CLCN7: variants seen among roughly 807,000 people sequenced by gnomAD.
CLCN7 encodes H(+)/Cl(-) exchange transporter 7.
A neutral mutation model predicts 102.1 loss-of-function variants in CLCN7; 60 were observed. That is an observed-to-expected ratio of 0.59 (90% CI 0.48 to 0.73). The LOEUF is 0.73. Among genes scored for constraint, CLCN7 ranks in the 30% least tolerant of loss-of-function variants. CLCN7 has a pLI of 0.00. For synonymous variants in CLCN7, 560 were observed against 490.5 expected (o/e 1.14, Z -1.87); for missense variants, 962 against 1,125.7 (o/e 0.85, Z 2.08).
intron 13 of CLCN7, 127 bp from the exon 14 acceptor site, chr16:1,454,021 G>T (rs939500467): frequency 8.3e-6 from 7 of 839,278 alleles, no homozygotes; most frequent in Non-Finnish European, 1.2e-5. Flanking sequence ...GGGCTAGGGG[G>T]TCCTGGTAAG....
rs569096645 is a variant in CLCN7, at chr16:1,445,567, C to T, written c.*1064G>A. On this transcript the variant is annotated 3_prime_UTR_variant, in exon 25 of 25. Transcript: ENST00000382745. Reference sequence around the variant, plus strand: ...GCCCCGTGAGGGGCCTGTGGCGGCCCCAGACCCAGCCCAGCCAGGCCAGAG... The same window carrying T: ...GCCCCGTGAGGGGCCTGTGGCGGCCTCAGACCCAGCCCAGCCAGGCCAGAG... 2.6e-4 allele frequency: 39 copies of T among 152,610 alleles called. No homozygotes were observed. Among genetic ancestry groups the T allele is most frequent in the African/African-American group, 9.1e-4 (38 of 41,592 alleles). 9.5% of individuals were successfully genotyped at this position (152,610 alleles called of 1,614,324 possible). A position where few individuals can be genotyped will look rare whatever the true frequency, so the allele number is the denominator to read the frequency against.
At position 1,449,017 on chromosome 16, in the gene CLCN7, G is replaced by A. The variant is rs768693668; in HGVS notation, c.1746C>T (p.Pro582=). ...TGGCGGTCATGAGCACCAGCATGATGGGGAAGCCGTAGGTCACGTTGCTGG... is the reference window on the plus strand; with the variant it reads ...TGGCGGTCATGAGCACCAGCATGATAGGGAAGCCGTAGGTCACGTTGCTGG... ...EATSNVTYGF[P]IMLVLMTAKI... Residue 582 remains proline (P), a synonymous_variant, in exon 19 of 25, where the codon CCC becomes CCT. Transcript: ENST00000382745. The A allele has an allele frequency of 5.0e-6, 8 of 1,612,748 alleles. No individual in the cohort carries two copies. In the Admixed American group the frequency reaches 6.7e-5, roughly 13 times the overall value.
At chr16:1,473,691 G>C (rs999654008) in intron 1 of CLCN7, among the ~76,000 whole-genome samples, 7 of 151,818 alleles carry the variant, frequency 4.6e-5, no homozygotes, top group African/African-American at 1.7e-4. Context: ...TAATCTTTAA[G>C]CACAAGACAA....
intron 16 of CLCN7, among the ~76,000 whole-genome samples, chr16:1,450,953 G>A (rs528732176): frequency 2.3e-4 from 35 of 152,302 alleles, no homozygotes; most frequent in East Asian, 1.9e-4. Context: ...GTCTAGCAGC[G>A]CCAGGTCTAC....
chr16:1,461,353 C>T (rs1026248390), intron 4 of CLCN7, 52 bp downstream of exon 4: 10 of 1,489,594 alleles, frequency 6.7e-6, no homozygotes, highest in South Asian at 6.1e-5. Flanking sequence ...CAGGCCCGGC[C>T]GGCACCAGGC....
rs563752591 is a variant in CLCN7, at chr16:1,445,041, G to A, written c.*1590C>T. ...AGGGAAACCCAGACCTAGGTTTCCG[G>A]CGCCGACTCTGAGGCCCGGGAGTTT... On this transcript the variant is annotated 3_prime_UTR_variant, in exon 25 of 25. Transcript: ENST00000382745. 1 of 152,366 alleles carries A rather than the reference G, an allele frequency of 6.6e-6. No individual in the cohort carries two copies. Among genetic ancestry groups the A allele is most frequent in the Non-Finnish European group, 1.5e-5 (1 of 68,050 alleles). The allele number at this position is 152,366 out of a possible 1,614,324, so 9.4% of individuals were successfully genotyped here.
Position 1,446,171 on chromosome 16 carries a change from A to C in CLCN7, c.*460T>G. 1.7e-6 allele frequency: 1 copy of C among 605,492 alleles called. No individual in the cohort carries two copies. The highest frequency in any genetic ancestry group is 2.9e-5 in the Admixed American group (1 of 34,026). The allele number at this position is 605,492 out of a possible 1,614,324, so 37.5% of individuals were successfully genotyped here. A position where few individuals can be genotyped will look rare whatever the true frequency, so the allele number is the denominator to read the frequency against. On this transcript the variant is annotated 3_prime_UTR_variant, in exon 25 of 25. Transcript: ENST00000382745. ...TCTGCTCATGGCTGAAAATGAGGCC[A>C]AGCAGCTCCCAAGTCTCGAAGACTC...
At position 1,459,113 on chromosome 16, in the gene CLCN7, C is replaced by A; in HGVS notation, c.669G>T (p.Arg223=). Residue 223 remains arginine, a synonymous_variant, in exon 7 of 25, where the codon CGG becomes CGT. Transcript: ENST00000382745. The part of the protein sequence containing the change: ...LNGVKIPHVV[R]LKTLVIKVSG... The stretch of plus-strand genomic sequence containing the variant: ...AGGGCCACCGCACCCTCACCTTGAG[C>A]CGCACCACGTGGGGGATCTTCACCC... 6.2e-7 allele frequency: 1 copy of A among 1,610,496 alleles called. No homozygotes were observed. The highest frequency in any genetic ancestry group is 1.3e-5 in the African/African-American group (1 of 75,024).
chr16:1,448,167 G>GCC, intron 21 of CLCN7, 188 bp downstream of exon 21: 1 of 800,894 alleles, frequency 1.2e-6, no homozygotes, highest in Non-Finnish European at 2.0e-6. Flanking sequence ...CCAGGCCGCA[G>GCC]CCCCCCCCAC....
chr16:1,461,573 T>G, intron 3 of CLCN7, 30 bp downstream of exon 3: 1 of 1,612,668 alleles, frequency 6.2e-7, no homozygotes, highest in Non-Finnish European at 8.5e-7. Context: ...AGGCCGGGTC[T>G]CAGGGTCAGG....
intron 18 of CLCN7, 55 bp from the exon 19 acceptor site, chr16:1,449,148 T>G (rs2038702544): frequency 6.2e-7 from 1 of 1,608,060 alleles, no homozygotes; most frequent in Admixed American, 1.7e-5. Flanking sequence ...CAGGGTCACG[T>G]GGCCACTGCC....
chr16:1,454,987 G>T, intron 12 of CLCN7, 147 bp downstream of exon 12: 1 of 668,596 alleles, frequency 1.5e-6, no homozygotes, highest in East Asian at 2.6e-5. Flanking sequence ...GCAGCCCCTC[G>T]GGGCCCTGGA....
chr16:1,457,673 T>G lies in CLCN7; in HGVS notation c.738+21A>C. ...CGGCGGCCTCAGGCTCCAGCTGGAG[T>G]GGCCATGTGCACTTTGTTACCTTTC... On this transcript the variant is annotated intron_variant, in intron 8 of 24. Transcript: ENST00000382745. The surrounding 1 kb of genome is among the most constrained non-coding windows in gnomAD (Gnocchi z 5.4). The G allele has an allele frequency of 6.2e-7, 1 of 1,612,620 alleles. No homozygotes were observed. The highest frequency in any genetic ancestry group is 8.5e-7 in the Non-Finnish European group (1 of 1,179,562).
chr16:1,451,803 T>G (rs1251960511), intron 15 of CLCN7, 87 bp from the exon 16 acceptor site: 4 of 1,074,912 alleles, frequency 3.7e-6, no homozygotes, highest in African/African-American at 3.1e-5. Flanking sequence ...TGAGAGGCCG[T>G]GTACCCTGTG....
intron 6 of CLCN7, among the ~76,000 whole-genome samples, chr16:1,460,120 T>G (rs2038909565): frequency 1.4e-5 from 2 of 145,130 alleles, no homozygotes; most frequent in Non-Finnish European, 1.5e-5. Flanking sequence ...GAGGCGGAGG[T>G]GGAGATGGAA....
At position 1,457,877 on chromosome 16, in the gene CLCN7, G is replaced by T; in HGVS notation, c.676-121C>A. 1.0e-6 allele frequency: 1 copy of T among 955,434 alleles called. No homozygotes were observed. Among genetic ancestry groups the T allele is most frequent in the Non-Finnish European group, 1.6e-6 (1 of 607,848 alleles). The allele number at this position is 955,434 out of a possible 1,614,324, so 59.2% of individuals were successfully genotyped here. Reference sequence around the variant, plus strand: ...AGTGGCTGGGACACGGGGCCTCCGGGAGGGGGCCAGCACCCCCAGGCTGGG... The same window carrying T: ...AGTGGCTGGGACACGGGGCCTCCGGTAGGGGGCCAGCACCCCCAGGCTGGG... On this transcript the variant is annotated intron_variant, in intron 7 of 24. Transcript: ENST00000382745. This position sits in a 1 kb window ranked among gnomAD's most constrained non-coding sequence, Gnocchi z 5.4.
chr16:1,459,174 C>T lies in CLCN7; in HGVS notation c.608G>A (p.Gly203Asp). 6.2e-7 allele frequency: 1 copy of T among 1,613,166 alleles called. No individual in the cohort carries two copies. The highest frequency in any genetic ancestry group is 8.5e-7 in the Non-Finnish European group (1 of 1,179,876). ...IVAFIEPVAA[G>D]SGIPQIKCFL... ...GCACTTGATCTGGGGGATTCCGCTG[C>T]CAGCAGCCACCGGCTGAAAGAGGGG... The change falls in exon 7 of 25, where the codon GGC (glycine) becomes GAC (aspartate). Residue 203 changes from glycine (G) to aspartate (D), a missense_variant. Physicochemically the swap from Gly to Asp is moderately conservative, Grantham distance 94. Around this residue, in one of 2 missense-constraint regions of CLCN7, gnomAD observed 799 missense variants for 988.0 expected, o/e 0.81. Transcript: ENST00000382745.
At chr16:1,469,985 G>T (rs898496272) in intron 1 of CLCN7, among the ~76,000 whole-genome samples, 1 of 152,216 alleles carries the variant, frequency 6.6e-6, no homozygotes, top group Non-Finnish European at 1.5e-5. Flanking sequence ...AGGTCCACTC[G>T]CAAGAGGGCC....
chr16:1,462,780 A>G (rs944653131), intron 2 of CLCN7, among the ~76,000 whole-genome samples: 1 of 152,148 alleles, frequency 6.6e-6, no homozygotes, highest in African/African-American at 2.4e-5. Flanking sequence ...CGATCAATTG[A>G]TTTCCCACAA....
Sources: allele counts gnomAD v4.1 joint callset (sites outside exome capture counted in the v4.1 genomes callset), GRCh38; gene constraint gnomAD v4.1.1; regional missense constraint gnomAD v4.1.1; non-coding constraint Gnocchi (gnomAD v3.1); transcripts MANE v1.5; gene names NCBI Gene and HGNC (gene_info 2026-07-23, HGNC 2026-07-21).